DNAH14: variants seen among roughly 807,000 people sequenced by gnomAD.
DNAH14 encodes the protein axonemal beta dynein heavy chain 14.
Under a neutral mutation model 520.9 loss-of-function variants are expected in DNAH14, and 478 were observed. The ratio of observed to expected loss-of-function variants is 0.92; its 90% confidence interval spans 0.85 to 0.99. The LOEUF (loss-of-function observed/expected upper bound fraction) is 0.99. DNAH14 is among the 50% of genes least tolerant of loss of function. The pLI, the probability that DNAH14 is intolerant of heterozygous loss-of-function variation, is 0.00. For synonymous variants in DNAH14, 1,581 were observed against 1,757.2 expected, an observed-to-expected ratio of 0.90 and a Z score of 2.51; for missense variants, 4,831 against 5,234.5, an observed-to-expected ratio of 0.92 and a Z score of 2.38.
chr1:224,993,330 G>A (rs2125774076), intron 8 of DNAH14, among the ~76,000 whole-genome samples: 1 of 152,074 alleles, frequency 6.6e-6, no homozygotes, highest in South Asian at 2.1e-4. Context: ...ACCAGGTCCT[G>A]CACTTTTTTT....
chr1:225,086,615 T>G (rs546476938), intron 21 of DNAH14, among the ~76,000 whole-genome samples: 1 of 151,972 alleles, frequency 6.6e-6, no homozygotes, highest in African/African-American at 2.4e-5. Flanking sequence ...TTGTAATATT[T>G]AGGGAAAATG....
chr1:225,327,913 A>G (rs570826617), intron 64 of DNAH14, among the ~76,000 whole-genome samples: 17 of 152,296 alleles, frequency 1.1e-4, no homozygotes. Context: ...TAAAAAAGAA[A>G]AAGAAGAAAT....
chr1:225,180,068 A>G (rs888547801), intron 36 of DNAH14, among the ~76,000 whole-genome samples: 3 of 152,000 alleles, frequency 2.0e-5, no homozygotes, highest in African/African-American at 4.8e-5. Context: ...TTCAGAGTTT[A>G]TTATATGCCT....
intron 55 of DNAH14, among the ~76,000 whole-genome samples, chr1:225,300,133 T>A (rs920552606): frequency 2.0e-5 from 3 of 152,212 alleles, no homozygotes; most frequent in Non-Finnish European, 4.4e-5. Context: ...CCTATATAGA[T>A]ATGAATTCAG....
chr1:225,055,621 G>T (rs1572734392), intron 17 of DNAH14, among the ~76,000 whole-genome samples: 1 of 151,776 alleles, frequency 6.6e-6, no homozygotes, highest in East Asian at 1.9e-4. Flanking sequence ...GTGCCATGTT[G>T]GTGTGCTGCA....
intron 41 of DNAH14, among the ~76,000 whole-genome samples, chr1:225,211,793 C>T (rs1364937603): frequency 6.6e-6 from 1 of 152,148 alleles, no homozygotes; most frequent in Non-Finnish European, 1.5e-5. Flanking sequence ...AACAGTATAT[C>T]TCTCTGCAGA....
At position 225,007,687 on chromosome 1, in the gene DNAH14, G is replaced by A. The variant is rs114485188; in HGVS notation, c.1107+143G>A. On this transcript the variant is annotated intron_variant, in intron 10 of 85. Transcript: ENST00000682510. Reference sequence around the variant, plus strand: ...TAATTAACCAACTAACTGGTACTATGTATTTACTATATACAAGAATTTTTC... The same window carrying A: ...TAATTAACCAACTAACTGGTACTATATATTTACTATATACAAGAATTTTTC... The A allele has an allele frequency of 6.9e-3, 3,380 of 491,058 alleles. 19 individuals carry two copies. Among genetic ancestry groups the A allele is most frequent in the Non-Finnish European group, 8.6e-3 (2,668 of 308,504 alleles). 30.4% of individuals were successfully genotyped at this position (491,058 alleles called of 1,614,324 possible).
chr1:225,046,465 T>C (rs2067972706), intron 15 of DNAH14, among the ~76,000 whole-genome samples: 1 of 152,160 alleles, frequency 6.6e-6, no homozygotes, highest in African/African-American at 2.4e-5. Context: ...CACTCTGAGA[T>C]TTATCTGGCG....
chr1:225,342,047 A>G (rs2095193953), intron 69 of DNAH14, among the ~76,000 whole-genome samples: 1 of 152,126 alleles, frequency 6.6e-6, no homozygotes, highest in Non-Finnish European at 1.5e-5. Flanking sequence ...GCTTATATTT[A>G]TTTTCGAAGC....
intron 36 of DNAH14, among the ~76,000 whole-genome samples, chr1:225,181,281 A>G (rs754312505): frequency 5.9e-5 from 9 of 152,310 alleles, no homozygotes; most frequent in South Asian, 2.1e-4. Context: ...TAGTGCTTCA[A>G]TGAACATATG....
intron 61 of DNAH14, among the ~76,000 whole-genome samples, chr1:225,321,949 G>A (rs1386511385): frequency 6.6e-6 from 1 of 152,018 alleles, no homozygotes; most frequent in Non-Finnish European, 1.5e-5. Flanking sequence ...CACGAGAATA[G>A]GGCTGACTCC....
chr1:224,985,766 C>T (rs568466121), intron 8 of DNAH14, among the ~76,000 whole-genome samples: 2 of 151,872 alleles, frequency 1.3e-5, no homozygotes, highest in Non-Finnish European at 2.9e-5. Flanking sequence ...AGTTGATCTA[C>T]TGAAGAATGC....
Position 225,290,053 on chromosome 1 carries a change from C to A in DNAH14, c.8440C>A (p.Leu2814Met). ...HAGLKGKPTV[L>M]MVPNLNIEQD... ...AGGATTAAAAGGGAAACCCACTGTT[C>A]TGATGGTTCCCAATTTAAACATAGA... Residue 2814 changes from leucine (L) to methionine (M), a missense_variant, in exon 55 of 86, where the codon CTG becomes ATG. By Grantham distance (15) the Leu-to-Met change is conservative. Coordinates refer to ENST00000682510, the MANE Select transcript of DNAH14 (RefSeq NM_001367479.1). The A allele has an allele frequency of 6.7e-7, 1 of 1,493,246 alleles. No homozygotes were observed. The highest frequency in any genetic ancestry group is 1.3e-5 in the South Asian group (1 of 74,596). The allele number at this position is 1,493,246 out of a possible 1,614,324, so 92.5% of individuals were successfully genotyped here.
At chr1:225,261,476 T>C (rs1250506439) in intron 46 of DNAH14, among the ~76,000 whole-genome samples, 4 of 152,192 alleles carry the variant, frequency 2.6e-5, no homozygotes, top group Admixed American at 2.6e-4. Context: ...CATGAAATTA[T>C]CTTAGGGATA....
intron 8 of DNAH14, among the ~76,000 whole-genome samples, chr1:224,975,470 G>A (rs1294073311): frequency 2.0e-5 from 3 of 152,060 alleles, no homozygotes; most frequent in East Asian, 1.9e-4. Context: ...TGTATGTGTC[G>A]AGGAATTTAT....
At chr1:225,009,512 GTAA>G (rs2064509338) in intron 10 of DNAH14, among the ~76,000 whole-genome samples, 1 of 152,154 alleles carries the variant, frequency 6.6e-6, no homozygotes, top group Non-Finnish European at 1.5e-5. Flanking sequence ...CTGCAGCCTT[GTAA>G]TATAGTTTGA....
chr1:224,981,093 G>A lies in DNAH14; in HGVS notation c.830+6940G>A, dbSNP rs946366907. Among the ~76,000 whole-genome samples the A allele has an allele frequency of 3.3e-5, 5 of 152,124 alleles. No homozygotes were observed. The East Asian group carries it at 9.6e-4, about 29-fold the overall frequency. ...GTTTATGTGGTGAATCACATTTATT[G>A]ACTTGGATATGTTAAACCATCCCTG... On this transcript the variant is annotated intron_variant, in intron 8 of 85. Transcript: ENST00000682510.
intron 17 of DNAH14, among the ~76,000 whole-genome samples, chr1:225,066,233 TC>T (rs1366574749): frequency 6.6e-6 from 1 of 152,036 alleles, no homozygotes; most frequent in East Asian, 1.9e-4. Context: ...TTATAAATTA[TC>T]CCCTTATCAG....
chr1:225,206,193 A>T lies in DNAH14; in HGVS notation c.6186+14A>T. The T allele has an allele frequency of 6.5e-7, 1 of 1,526,992 alleles. No individual in the cohort carries two copies. The highest frequency in any genetic ancestry group is 1.4e-5 in the African/African-American group (1 of 72,602). 94.6% of individuals were successfully genotyped at this position (1,526,992 alleles called of 1,614,324 possible). On this transcript the variant is annotated intron_variant, in intron 40 of 85. Coordinates refer to ENST00000682510, the MANE Select transcript of DNAH14 (RefSeq NM_001367479.1). Reference sequence around the variant, plus strand: ...ATGGTCTATATGGTAAGCTTTCAAAAACAAATGTTTTAACAAAGCAAAAAT... The same window carrying T: ...ATGGTCTATATGGTAAGCTTTCAAATACAAATGTTTTAACAAAGCAAAAAT...
Sources: gnomAD v4.1 joint callset for allele counts (sites outside exome capture counted in the v4.1 genomes callset) on GRCh38, gnomAD v4.1.1 for gene constraint, MANE v1.5 for transcripts, NCBI Gene and HGNC (gene_info 2026-07-23, HGNC 2026-07-21) for gene names.